Variants in GNG7 observed in about 807,000 individuals in gnomAD.
GNG7 encodes guanine nucleotide-binding protein G(I)/G(S)/G(O) subunit gamma-7.
In GNG7, 1 loss-of-function variant was observed where a neutral mutation model predicts 4.0. That is an observed-to-expected ratio of 0.25 (90% CI 0.09 to 1.18). The LOEUF is 1.18. Among genes scored for constraint, GNG7 ranks in the 50% most tolerant of loss-of-function variants. GNG7 has a pLI of 0.50. For synonymous variants in GNG7, 34 were observed against 36.9 expected (o/e 0.92, Z 0.29); for missense variants, 86 against 91.9 (o/e 0.94, Z 0.26).
chr19:2,517,885 G>T (rs1396943104), intron 4 of GNG7, among the ~76,000 whole-genome samples: 1 of 152,174 alleles, frequency 6.6e-6, no homozygotes, highest in Non-Finnish European at 1.5e-5. Flanking sequence ...CCTTCAAACG[G>T]CCAGGAGCCT....
At position 2,699,759 on chromosome 19, in the gene GNG7, T is replaced by G. The variant is rs375860597; in HGVS notation, c.-135+2887A>C. On this transcript the variant is annotated intron_variant, in intron 1 of 4. Transcript: ENST00000382159. ...AGGGATGCTGCTCGGCACCCTGCAG[T>G]GCCCAGAAGGCCCCACCCCAGAGGA... Among the ~76,000 whole-genome samples, 40 of 152,348 alleles carry G rather than the reference T, an allele frequency of 2.6e-4. No homozygotes were observed. The East Asian group carries it at 7.3e-3, about 28-fold the overall frequency.
intron 2 of GNG7, among the ~76,000 whole-genome samples, chr19:2,623,234 C>T (rs1356349954): frequency 6.6e-6 from 1 of 152,110 alleles, no homozygotes; most frequent in African/African-American, 2.4e-5. Context: ...ATGGGAGGAT[C>T]GCTTGAGCAT....
chr19:2,665,361 TGGG>T (rs145443709), intron 1 of GNG7, among the ~76,000 whole-genome samples: 3,179 of 132,834 alleles, frequency 0.024, 114 homozygotes, highest in African/African-American at 0.082. Context: ...CAGTGTCCCC[TGGG>T]GGGGGGGGGG....
rs185491877 is a variant in GNG7, at chr19:2,596,982, G to A, written c.-77-41794C>T. Among the ~76,000 whole-genome samples the A allele has an allele frequency of 3.7e-3, 558 of 151,626 alleles. 2 individuals are homozygous for A. The highest frequency in any genetic ancestry group is 6.5e-3 in the Non-Finnish European group (444 of 67,806). On this transcript the variant is annotated intron_variant, in intron 2 of 4. Coordinates refer to ENST00000382159, the MANE Select transcript of GNG7 (RefSeq NM_052847.3). ...ATTGAAATTTCACAGGTATAGGCTGGGCTCGGTGGCTCACACCTGCAATCC... is the reference window on the plus strand; with the variant it reads ...ATTGAAATTTCACAGGTATAGGCTGAGCTCGGTGGCTCACACCTGCAATCC...
chr19:2,624,343 C>T (rs1981957546), intron 2 of GNG7, among the ~76,000 whole-genome samples: 2 of 151,752 alleles, frequency 1.3e-5, no homozygotes, highest in South Asian at 4.2e-4. Flanking sequence ...TCCTGGCTAA[C>T]ATGGTGAAAC....
chr19:2,512,798 G>T lies in GNG7; in HGVS notation c.*2224C>A, dbSNP rs569084738. 1.1e-4 allele frequency: 72 copies of T among 640,552 alleles called. No homozygotes were observed. Among genetic ancestry groups the T allele is most frequent in the Non-Finnish European group, 1.4e-4 (71 of 514,582 alleles). The allele number at this position is 640,552 out of a possible 1,614,324, so 39.7% of individuals were successfully genotyped here. A position where few individuals can be genotyped will look rare whatever the true frequency, so the allele number is the denominator to read the frequency against. ...TTGTTCCCAGTTACCAAGATGGCTT[G>T]TTGGAAAGGGTGGAGGCAGGCGGGC... On this transcript the variant is annotated 3_prime_UTR_variant, in exon 5 of 5. Coordinates refer to ENST00000382159, the MANE Select transcript of GNG7 (RefSeq NM_052847.3). The surrounding 1 kb of genome is among the most constrained non-coding windows in gnomAD (Gnocchi z 4.7).
rs1972670175 is a variant in GNG7 at position 2,512,498 on chromosome 19, G to T, written c.*2524C>A. ...ACCCAAGGCCCTGTGGACAGTGAAG[G>T]AGAGGCCAGCCTGTCCTTCCCCTCC... On this transcript the variant is annotated 3_prime_UTR_variant, in exon 5 of 5. Transcript: ENST00000382159. This position sits in a 1 kb window ranked among gnomAD's most constrained non-coding sequence, Gnocchi z 4.7. The T allele has an allele frequency of 2.6e-6, 1 of 385,706 alleles. No homozygotes were observed. Among genetic ancestry groups the T allele is most frequent in the Non-Finnish European group, 3.5e-6 (1 of 281,820 alleles). 23.9% of individuals were successfully genotyped at this position (385,706 alleles called of 1,614,324 possible).
chr19:2,641,562 G>C (rs1341271742), intron 2 of GNG7, among the ~76,000 whole-genome samples: 1 of 152,150 alleles, frequency 6.6e-6, no homozygotes, highest in East Asian at 1.9e-4. Flanking sequence ...GGAAATGCGG[G>C]AACCAGATTT....
intron 1 of GNG7, among the ~76,000 whole-genome samples, chr19:2,692,314 T>C (rs560228470): frequency 2.6e-5 from 4 of 152,098 alleles, no homozygotes; most frequent in African/African-American, 7.3e-5. Context: ...CTGGCTTTGT[T>C]GTCCATCAAG....
At chr19:2,607,705 G>A (rs934830554) in intron 2 of GNG7, among the ~76,000 whole-genome samples, 4 of 152,086 alleles carry the variant, frequency 2.6e-5, no homozygotes, top group Non-Finnish European at 5.9e-5. Flanking sequence ...CTCCCATGTA[G>A]GCTCAGCCTG....
At chr19:2,574,899 C>T (rs1296457193) in intron 2 of GNG7, among the ~76,000 whole-genome samples, 3 of 152,166 alleles carry the variant, frequency 2.0e-5, no homozygotes, top group Non-Finnish European at 4.4e-5. Context: ...AGAGCCTCAG[C>T]GTCCTGCCTG....
At chr19:2,531,082 G>C (rs1056563852) in intron 3 of GNG7, among the ~76,000 whole-genome samples, 1 of 152,096 alleles carries the variant, frequency 6.6e-6, no homozygotes, top group African/African-American at 2.4e-5. Context: ...GAGGCAGGTG[G>C]ATGACCTGAG....
At chr19:2,640,641 T>C (rs1381846700) in intron 2 of GNG7, among the ~76,000 whole-genome samples, 21 of 152,180 alleles carry the variant, frequency 1.4e-4, no homozygotes, top group Admixed American at 1.4e-3. Flanking sequence ...TGTTGCTTTT[T>C]TTGGAGACAG....
At chr19:2,619,205 G>C (rs943490137) in intron 2 of GNG7, among the ~76,000 whole-genome samples, 1 of 152,236 alleles carries the variant, frequency 6.6e-6, no homozygotes, top group Non-Finnish European at 1.5e-5. Flanking sequence ...CAGAGAGTTT[G>C]AGAACCTTTG....
intron 3 of GNG7, 108 bp from the exon 4 acceptor site, chr19:2,520,833 T>A: frequency 1.7e-6 from 1 of 599,710 alleles, no homozygotes; most frequent in Non-Finnish European, 3.0e-6. Flanking sequence ...CACGGCCACT[T>A]TGCCTCTGGG....
rs116292377 is a variant in GNG7 at position 2,694,435 on chromosome 19, C to T, written c.-135+8211G>A. Reference sequence around the variant, plus strand: ...TGCTCCTGGCGTGGAGTGGGTGGAGCCCAGAGACGCTGCTCAGCACCCTGC... The same window carrying T: ...TGCTCCTGGCGTGGAGTGGGTGGAGTCCAGAGACGCTGCTCAGCACCCTGC... On this transcript the variant is annotated intron_variant, in intron 1 of 4. Coordinates refer to ENST00000382159, the MANE Select transcript of GNG7 (RefSeq NM_052847.3). 1.3e-5 allele frequency among the ~76,000 whole-genome samples: 2 copies of T among 148,904 alleles called. 1 individual carries two copies. The highest frequency in any genetic ancestry group is 4.9e-5 in the African/African-American group (2 of 40,446).
At chr19:2,572,430 A>G (rs758925261) in intron 2 of GNG7, among the ~76,000 whole-genome samples, 4 of 150,426 alleles carry the variant, frequency 2.7e-5, no homozygotes, top group Middle Eastern at 3.6e-3. Context: ...TAGTTCCAAC[A>G]CTTTTTCTTT....
chr19:2,644,328 TA>T (rs1982601632), intron 2 of GNG7, among the ~76,000 whole-genome samples: 1 of 1,988 alleles, frequency 5.0e-4, no homozygotes, highest in African/African-American at 9.6e-4. Flanking sequence ...GCCTACACTT[TA>T]TATATATATA....
At chr19:2,548,174 G>C (rs889308493) in intron 3 of GNG7, among the ~76,000 whole-genome samples, 22 of 145,302 alleles carry the variant, frequency 1.5e-4, no homozygotes, top group Admixed American at 2.7e-4. Context: ...GTTAACAATG[G>C]AAAACAAAAA....
Sources: allele counts gnomAD v4.1 joint callset (sites outside exome capture counted in the v4.1 genomes callset), GRCh38; gene constraint gnomAD v4.1.1; non-coding constraint Gnocchi (gnomAD v3.1); transcripts MANE v1.5; gene names NCBI Gene and HGNC (gene_info 2026-07-23, HGNC 2026-07-21).